AP5Z1: variants seen among roughly 807,000 people sequenced by gnomAD.
AP5Z1 encodes adaptor related protein complex 5 subunit zeta 1.
In AP5Z1, 106 loss-of-function variants were observed where a neutral mutation model predicts 83.0. That is an observed-to-expected ratio of 1.28 (90% CI 1.09 to 1.50). The LOEUF (loss-of-function observed/expected upper bound fraction) is 1.50, where lower values mean the gene tolerates loss of function less well. Ranked by LOEUF, AP5Z1 falls within the 40% of genes most tolerant of loss-of-function variation. The probability of loss-of-function intolerance (pLI) is 0.00; values close to 1 mark genes in which losing one functional copy is unlikely to be tolerated. For missense variants in AP5Z1, 1,565 were observed against 1,094.2 expected (o/e 1.43, Z -6.07); for synonymous variants, 751 against 514.1 (o/e 1.46, Z -6.23).
At chr7:4,785,303 T>G (rs1781506237) in intron 7 of AP5Z1, 112 bp from the exon 8 acceptor site, 1 of 1,431,170 alleles carries the variant, frequency 7.0e-7, no homozygotes, top group Non-Finnish European at 9.4e-7. Context: ...TGGGGGCCTG[T>G]CCCACCCCCC....
chr7:4,784,547 C>G (rs1278759980), intron 6 of AP5Z1, among the ~76,000 whole-genome samples, 176 bp downstream of exon 6: 1 of 152,264 alleles, frequency 6.6e-6, no homozygotes, highest in Non-Finnish European at 1.5e-5. Context: ...CACTCCCTGG[C>G]CAGCATCTTT....
chr7:4,787,821 G>T (rs1368821529), intron 11 of AP5Z1, 45 bp downstream of exon 11: 1 of 1,496,840 alleles, frequency 6.7e-7, no homozygotes, highest in Non-Finnish European at 8.9e-7. Context: ...CCAGCCAGCT[G>T]GTTCCACACA....
Position 4,781,697 on chromosome 7 carries a change from G to A in AP5Z1, c.309G>A (p.Trp103Ter). Residue 103 changes from tryptophan (W) to a stop codon, truncating the protein, a stop_gained, in exon 3 of 17, where the codon TGG (tryptophan) becomes TGA (stop). Coordinates refer to ENST00000649063, the MANE Select transcript of AP5Z1 (RefSeq NM_014855.3). LOFTEE classifies it high-confidence loss of function. ...CCTCTGACAGCCTCAGCCTGGCCTG[G>A]GACCACACGCAGAACAGCCGGCAGC... ...MSPSDSLSLA[W>*]DHTQNSRQLS... 6.3e-7 allele frequency: 1 copy of A among 1,590,592 alleles called. No homozygotes were observed. Among genetic ancestry groups the A allele is most frequent in the Admixed American group, 1.7e-5 (1 of 59,580 alleles).
Position 4,790,688 on chromosome 7 carries a change from G to C in AP5Z1, c.1954G>C (p.Glu652Gln). ...CCGGGCCTAGGTGTGGGCCATCGGCGAGTACCTGTCGGTGACCTACGATCG... is the reference window on the plus strand; with the variant it reads ...CCGGGCCTAGGTGTGGGCCATCGGCCAGTACCTGTCGGTGACCTACGATCG... ...LVTSVVWAIG[E>Q]YLSVTYDRRC... The change falls in exon 16 of 17, where the codon GAG becomes CAG. Residue 652 changes from glutamate (E) to glutamine (Q), a missense_variant. Glu to Gln is a conservative substitution (Grantham distance 29). Transcript: ENST00000649063. 1 of 1,611,904 alleles carries C rather than the reference G, an allele frequency of 6.2e-7. No individual in the cohort carries two copies. Among genetic ancestry groups the C allele is most frequent in the Non-Finnish European group, 8.5e-7 (1 of 1,179,658 alleles).
intron 1 of AP5Z1, among the ~76,000 whole-genome samples, chr7:4,776,446 G>A (rs992418687): frequency 6.6e-6 from 1 of 152,032 alleles, no homozygotes; most frequent in Non-Finnish European, 1.5e-5. Context: ...ACCGGGCGTG[G>A]TGGCTCACGC....
intron 1 of AP5Z1, among the ~76,000 whole-genome samples, chr7:4,777,961 G>T (rs755263631): frequency 1.3e-5 from 2 of 152,254 alleles, no homozygotes; most frequent in Non-Finnish European, 2.9e-5. Flanking sequence ...GCCCACGCCT[G>T]TAATCCGAAC....
chr7:4,791,475 G>C lies in AP5Z1; in HGVS notation c.*90G>C. The C allele has an allele frequency of 8.8e-6, 13 of 1,472,474 alleles. No homozygotes were observed. Among genetic ancestry groups the C allele is most frequent in the Non-Finnish European group, 1.1e-5 (12 of 1,103,492 alleles). The allele number at this position is 1,472,474 out of a possible 1,614,324, so 91.2% of individuals were successfully genotyped here. On this transcript the variant is annotated 3_prime_UTR_variant, in exon 17 of 17. Coordinates refer to ENST00000649063, the MANE Select transcript of AP5Z1 (RefSeq NM_014855.3). Reference sequence around the variant, plus strand: ...CAGGCTGATAGGAGCTCAGGAGGGCGCGGGAGTCCTGGGAGAGGAGGCAAG... The same window carrying C: ...CAGGCTGATAGGAGCTCAGGAGGGCCCGGGAGTCCTGGGAGAGGAGGCAAG...
chr7:4,781,947 A>AC (rs1441306346), intron 3 of AP5Z1, among the ~76,000 whole-genome samples, 193 bp downstream of exon 3: 1 of 152,184 alleles, frequency 6.6e-6, no homozygotes, highest in Non-Finnish European at 1.5e-5. Flanking sequence ...CAGCAGGCCC[A>AC]CGTGGTATGT....
At chr7:4,789,011 G>C in intron 13 of AP5Z1, 60 bp downstream of exon 13, 1 of 1,441,794 alleles carries the variant, frequency 6.9e-7, no homozygotes, top group South Asian at 1.2e-5. Flanking sequence ...GGGCAGGCCA[G>C]AGCCAGCACT....
Position 4,789,845 on chromosome 7 carries a change from C to T in AP5Z1, c.1721C>T (p.Ser574Phe). ...FSAVTQVADG[S>F]LINQLALLLL... Reference sequence around the variant, plus strand: ...CCTGACCCCCAGGTGGCTGACGGGTCCCTGATCAACCAGCTGGCGCTGCTG... The same window carrying T: ...CCTGACCCCCAGGTGGCTGACGGGTTCCTGATCAACCAGCTGGCGCTGCTG... The change falls in exon 14 of 17, where the codon TCC becomes TTC. Residue 574 changes from serine to phenylalanine, a missense_variant. Coordinates refer to ENST00000649063, the MANE Select transcript of AP5Z1 (RefSeq NM_014855.3). 1.3e-6 allele frequency: 2 copies of T among 1,552,110 alleles called. No homozygotes were observed. Among genetic ancestry groups the T allele is most frequent in the Non-Finnish European group, 1.7e-6 (2 of 1,147,912 alleles).
At position 4,790,814 on chromosome 7, in the gene AP5Z1, C is replaced by A. The variant is rs777563947; in HGVS notation, c.2080C>A (p.Pro694Thr). Residue 694 changes from proline (P) to threonine (T), a missense_variant, in exon 16 of 17, where the codon CCC (proline) becomes ACC (threonine). By Grantham distance (38) the Pro-to-Thr change is conservative (BLOSUM62 -1). Transcript: ENST00000649063. ...CRPSAALPRC[P>T]PQVVTVLMTT... ...CCCCTCTGCTGCCCTGCCCAGGTGT[C>A]CCCCCCAGGTGGTCACCGTGCTGAT... 6.2e-7 allele frequency: 1 copy of A among 1,608,120 alleles called. No individual in the cohort carries two copies. Among genetic ancestry groups the A allele is most frequent in the Non-Finnish European group, 8.5e-7 (1 of 1,178,576 alleles).
chr7:4,779,477 TA>T (rs1781322701), intron 1 of AP5Z1, among the ~76,000 whole-genome samples: 1 of 145,112 alleles, frequency 6.9e-6, no homozygotes. Flanking sequence ...ATATTATATA[TA>T]TATATTTTTT....
intron 6 of AP5Z1, among the ~76,000 whole-genome samples, 160 bp downstream of exon 6, chr7:4,784,531 G>C (rs1223367231): frequency 6.6e-6 from 1 of 152,086 alleles, no homozygotes; most frequent in East Asian, 1.9e-4. Context: ...GGAGCTAGGC[G>C]GAGAGCACTC....
Position 4,783,768 on chromosome 7 carries a change from C to G in AP5Z1, c.591C>G (p.Gly197=). Residue 197 remains glycine, a synonymous_variant, in exon 5 of 17, where the codon GGC becomes GGG. Transcript: ENST00000649063. ...TCCAGCAAGGGCTCCCACACTCCGG[C>G]GGCTTCTTCTCCACGCCCAGGGCCC... The part of the protein sequence containing the change: ...ASLQQGLPHS[G]GFFSTPRARQ... 6.5e-7 allele frequency: 1 copy of G among 1,550,302 alleles called. No individual in the cohort carries two copies. The highest frequency in any genetic ancestry group is 8.7e-7 in the Non-Finnish European group (1 of 1,147,216).
In AP5Z1 at chr7:4,785,632, C is replaced by A; in HGVS notation, c.1080C>A (p.Asp360Glu). The A allele has an allele frequency of 1.3e-6, 2 of 1,570,722 alleles. No individual in the cohort carries two copies. Among genetic ancestry groups the A allele is most frequent in the African/African-American group, 1.3e-5 (1 of 74,422 alleles). ...CCCTGCACGGGCGGGTGCGCGGGGA[C>A]CCGGCCTCTGTGCGGGTGCTGCTGC... ...LKALHGRVRGDPASVRVLLPL... is the reference protein window; with the variant it reads ...LKALHGRVRGEPASVRVLLPL... The change falls in exon 9 of 17, where the codon GAC (aspartate) becomes GAA (glutamate). Residue 360 changes from aspartate (D) to glutamate (E), a missense_variant. Physicochemically the swap from Asp to Glu is conservative, Grantham distance 45. Transcript: ENST00000649063.
rs190350697 is a variant in AP5Z1 at position 4,783,789 on chromosome 7, G to A, written c.612G>A (p.Arg204=). The change falls in exon 5 of 17, where the codon AGG becomes AGA. Residue 204 remains arginine (R), a synonymous_variant. Transcript: ENST00000649063. ...PHSGGFFSTP[R]ARQPGPVTEV... Reference sequence around the variant, plus strand: ...CCGGCGGCTTCTTCTCCACGCCCAGGGCCCGGCAGGTGAGGCTGGGACTGT... The same window carrying A: ...CCGGCGGCTTCTTCTCCACGCCCAGAGCCCGGCAGGTGAGGCTGGGACTGT... 15 of 1,548,426 alleles carry A rather than the reference G, an allele frequency of 9.7e-6. No homozygotes were observed. The highest frequency in any genetic ancestry group is 1.7e-4 in the Middle Eastern group (1 of 5,990).
At chr7:4,782,899 C>T (rs1781419364) in intron 3 of AP5Z1, among the ~76,000 whole-genome samples, 2 of 152,264 alleles carry the variant, frequency 1.3e-5, no homozygotes, top group African/African-American at 2.4e-5. Context: ...GCCCTGACGG[C>T]CCTGCCCCTG....
chr7:4,790,813 T>TC lies in AP5Z1; in HGVS notation c.2086dup (p.Gln696ProfsTer67), dbSNP rs771683676. ...GCCCCTCTGCTGCCCTGCCCAGGTGTCCCCCCCAGGTGGTCACCGTGCTGA... is the reference window on the plus strand; with the variant it reads ...GCCCCTCTGCTGCCCTGCCCAGGTGTCCCCCCCCAGGTGGTCACCGTGCTGA... On this transcript the variant is annotated frameshift_variant, in exon 16 of 17. Transcript: ENST00000649063. LOFTEE classifies it high-confidence loss of function. 30 of 1,608,780 alleles carry TC rather than the reference T, an allele frequency of 1.9e-5. No homozygotes were observed. The highest frequency in any genetic ancestry group is 4.5e-5 in the East Asian group (2 of 44,798).
chr7:4,790,694 CTG>C lies in AP5Z1; in HGVS notation c.1962_1963del (p.Ser655GlyfsTer107). 1 of 1,611,740 alleles carries C rather than the reference CTG, an allele frequency of 6.2e-7. No individual in the cohort carries two copies. The highest frequency in any genetic ancestry group is 8.5e-7 in the Non-Finnish European group (1 of 1,179,622). On this transcript the variant is annotated frameshift_variant, in exon 16 of 17. Transcript: ENST00000649063. LOFTEE classifies it high-confidence loss of function. ...TSVVWAIGEY[L>X]SVTYDRRCTV... ...CTAGGTGTGGGCCATCGGCGAGTACCTGTCGGTGACCTACGATCGGAGGTGCA... is the reference window on the plus strand; with the variant it reads ...CTAGGTGTGGGCCATCGGCGAGTACCTCGGTGACCTACGATCGGAGGTGCA...
Sources: gnomAD v4.1 joint callset for allele counts (sites outside exome capture counted in the v4.1 genomes callset) on GRCh38, gnomAD v4.1.1 for gene constraint, MANE v1.5 for transcripts, NCBI Gene and HGNC (gene_info 2026-07-23, HGNC 2026-07-21) for gene names.